The following TMEM132C variants were observed in gnomAD, a reference collection of about 807,000 sequenced individuals.
TMEM132C encodes the protein protein phosphatase 1, regulatory subunit 152.
Under a neutral mutation model 61.4 loss-of-function variants are expected in TMEM132C, and 29 were observed. The observed-to-expected ratio is 0.47, with a 90% confidence interval of 0.35 to 0.64. The LOEUF (loss-of-function observed/expected upper bound fraction) is 0.64. Ranked by LOEUF, TMEM132C falls within the 30% of genes least tolerant of loss-of-function variation. The pLI is 0.00. For missense variants in TMEM132C, 1,408 were observed against 1,476.9 expected (o/e 0.95, Z 0.76); for synonymous variants, 656 against 633.1 (o/e 1.04, Z -0.54).
At chr12:128,540,993 C>CTG (rs1873722058) in intron 2 of TMEM132C, among the ~76,000 whole-genome samples, 6 of 150,702 alleles carry the variant, frequency 4.0e-5, no homozygotes, top group Admixed American at 2.0e-4. Context: ...GTCTGTATGT[C>CTG]TCTGTCTGTC....
At chr12:128,284,332 G>A (rs1196708086) in intron 1 of TMEM132C, among the ~76,000 whole-genome samples, 3 of 152,186 alleles carry the variant, frequency 2.0e-5, no homozygotes, top group Admixed American at 6.5e-5. Flanking sequence ...ATACATATGT[G>A]TGTAAACTTA....
chr12:128,547,999 T>TC (rs1874020437), intron 3 of TMEM132C, among the ~76,000 whole-genome samples: 1 of 151,886 alleles, frequency 6.6e-6, no homozygotes. Context: ...CCATGACCAC[T>TC]CACCCCTATT....
At chr12:128,351,072 C>T (rs898126570) in intron 1 of TMEM132C, among the ~76,000 whole-genome samples, 1 of 152,184 alleles carries the variant, frequency 6.6e-6, no homozygotes, top group African/African-American at 2.4e-5. Flanking sequence ...GAGAAATGAA[C>T]TGCTCTCTTA....
At chr12:128,663,638 A>G (rs956557461) in intron 4 of TMEM132C, among the ~76,000 whole-genome samples, 2 of 152,216 alleles carry the variant, frequency 1.3e-5, no homozygotes, top group African/African-American at 4.8e-5. Flanking sequence ...GTTAAGGAAC[A>G]TGGATTTACT....
intron 1 of TMEM132C, among the ~76,000 whole-genome samples, chr12:128,337,530 T>G: frequency 6.6e-6 from 1 of 152,206 alleles, no homozygotes; most frequent in East Asian, 1.9e-4. Context: ...GAAGTCACTT[T>G]CTGACTTGGG....
At chr12:128,460,107 A>C (rs1870483646) in intron 2 of TMEM132C, among the ~76,000 whole-genome samples, 1 of 152,092 alleles carries the variant, frequency 6.6e-6, no homozygotes, top group East Asian at 1.9e-4. Flanking sequence ...TGCAGAAGAG[A>C]ACTCGTTGGG....
intron 4 of TMEM132C, among the ~76,000 whole-genome samples, chr12:128,651,721 G>A (rs916373421): frequency 3.3e-5 from 5 of 152,184 alleles, no homozygotes; most frequent in African/African-American, 1.2e-4. Flanking sequence ...GGAATGGGGG[G>A]TGAAGGAAGG....
chr12:128,494,263 T>C (rs2136103343), intron 2 of TMEM132C, among the ~76,000 whole-genome samples: 1 of 152,362 alleles, frequency 6.6e-6, no homozygotes, highest in South Asian at 2.1e-4. Flanking sequence ...AGTATTTTAT[T>C]GAGAATTTTT....
chr12:128,691,703 C>A (rs993740811), intron 5 of TMEM132C, among the ~76,000 whole-genome samples: 1 of 152,064 alleles, frequency 6.6e-6, no homozygotes, highest in South Asian at 2.1e-4. Flanking sequence ...GTGTGTCCAT[C>A]CACCCATCAG....
chr12:128,324,215 C>A (rs149966979), intron 1 of TMEM132C, among the ~76,000 whole-genome samples: 1 of 152,052 alleles, frequency 6.6e-6, no homozygotes, highest in Non-Finnish European at 1.5e-5. Context: ...GGGTTGCTTA[C>A]CAGATGTGGT....
At chr12:128,441,926 G>A (rs1053023700) in intron 2 of TMEM132C, among the ~76,000 whole-genome samples, 18 of 152,088 alleles carry the variant, frequency 1.2e-4, no homozygotes, top group Non-Finnish European at 1.9e-4. Flanking sequence ...CACTTGAACC[G>A]GAGAGGCAGA....
intron 2 of TMEM132C, among the ~76,000 whole-genome samples, chr12:128,433,645 G>A (rs1457639352): frequency 2.0e-5 from 3 of 152,182 alleles, no homozygotes; most frequent in African/African-American, 7.2e-5. Flanking sequence ...GAAAACTTAA[G>A]TGTTGATAGG....
intron 3 of TMEM132C, among the ~76,000 whole-genome samples, chr12:128,569,398 C>G (rs1406551275): frequency 6.6e-6 from 1 of 152,176 alleles, no homozygotes; most frequent in Non-Finnish European, 1.5e-5. Flanking sequence ...ATATTTTTTA[C>G]TCTGCCTTTC....
intron 8 of TMEM132C, among the ~76,000 whole-genome samples, chr12:128,698,313 C>T (rs1055090051): frequency 1.3e-5 from 2 of 152,166 alleles, no homozygotes; most frequent in Non-Finnish European, 2.9e-5. Flanking sequence ...GTAACACAGC[C>T]AGGATGGGCT....
chr12:128,342,892 A>G (rs1873024315), intron 1 of TMEM132C, among the ~76,000 whole-genome samples: 1 of 152,170 alleles, frequency 6.6e-6, no homozygotes, highest in Non-Finnish European at 1.5e-5. Context: ...TGTGCGGTGC[A>G]TTTGCATTGA....
At chr12:128,408,811 C>G (rs934294764) in intron 1 of TMEM132C, among the ~76,000 whole-genome samples, 1 of 152,174 alleles carries the variant, frequency 6.6e-6, no homozygotes, top group African/African-American at 2.4e-5. Flanking sequence ...CTTTGAAAAG[C>G]CATCTTGACA....
At chr12:128,404,518 A>G (rs1875271933) in intron 1 of TMEM132C, 1 of 152,288 alleles carries the variant, frequency 6.6e-6, no homozygotes, top group South Asian at 2.1e-4. Flanking sequence ...TCTCTGGTCA[A>G]CATGTCTGAA....
chr12:128,269,893 A>G (rs2135887387), intron 1 of TMEM132C, among the ~76,000 whole-genome samples: 1 of 151,816 alleles, frequency 6.6e-6, no homozygotes, highest in South Asian at 2.1e-4. Context: ...CCTTGAAACC[A>G]CTGATTAATT....
intron 3 of TMEM132C, among the ~76,000 whole-genome samples, chr12:128,565,515 G>A (rs945048842): frequency 3.3e-5 from 5 of 152,176 alleles, no homozygotes; most frequent in African/African-American, 1.2e-4. Context: ...ATAGTCAATA[G>A]GAAAATGTAA....
Sources: gnomAD v4.1 joint callset for allele counts (sites outside exome capture counted in the v4.1 genomes callset) on GRCh38, gnomAD v4.1.1 for gene constraint, MANE v1.5 for transcripts, NCBI Gene and HGNC (gene_info 2026-07-23, HGNC 2026-07-21) for gene names.